The following FER variants were observed in gnomAD, a reference collection of about 807,000 sequenced individuals.
FER encodes the protein tyrosine-protein kinase Fer.
A neutral mutation model predicts 111.0 loss-of-function variants in FER; 63 were observed. That is an observed-to-expected ratio of 0.57 (90% CI 0.46 to 0.70). The LOEUF (loss-of-function observed/expected upper bound fraction) is 0.70, where lower values mean the gene tolerates loss of function less well. FER is among the 30% of genes least tolerant of loss of function. The pLI is 0.00. For synonymous variants in FER, 327 were observed against 313.9 expected, an observed-to-expected ratio of 1.04 and a Z score of -0.44; for missense variants, 914 against 954.0, an observed-to-expected ratio of 0.96 and a Z score of 0.55.
rs924853975 is a variant in FER at position 109,181,403 on chromosome 5, A to AT, written c.2203+509dup. On this transcript the variant is annotated intron_variant, in intron 18 of 19. Transcript: ENST00000281092. Reference sequence around the variant, plus strand: ...GGAATTACATTTTAAAACGGCAGGGATTTTTTTCACTTGAATTTTTATGCG... The same window carrying AT: ...GGAATTACATTTTAAAACGGCAGGGATTTTTTTTCACTTGAATTTTTATGCG... Among the ~76,000 whole-genome samples, 3 of 152,004 alleles carry AT rather than the reference A, an allele frequency of 2.0e-5. No individual in the cohort carries two copies. The South Asian group carries it at 6.2e-4, about 32-fold the overall frequency.
intron 17 of FER, among the ~76,000 whole-genome samples, chr5:109,165,436 G>T (rs1582343788): frequency 6.6e-6 from 1 of 152,172 alleles, no homozygotes; most frequent in Non-Finnish European, 1.5e-5. Context: ...GGTATTCCAA[G>T]AAGCAGTTCC....
chr5:108,860,721 A>AT (rs1418400186), intron 5 of FER, among the ~76,000 whole-genome samples: 1 of 152,242 alleles, frequency 6.6e-6, no homozygotes, highest in East Asian at 1.9e-4. Flanking sequence ...AAATTGTGAA[A>AT]TTGAGCAGCG....
At chr5:109,061,733 TG>T (rs1459129858) in intron 16 of FER, among the ~76,000 whole-genome samples, 1 of 152,154 alleles carries the variant, frequency 6.6e-6, no homozygotes, top group Non-Finnish European at 1.5e-5. Flanking sequence ...TTTTCTCTAC[TG>T]GGAATAAAGC....
chr5:108,959,400 G>T, intron 13 of FER, 53 bp downstream of exon 13: 2 of 1,521,088 alleles, frequency 1.3e-6, no homozygotes, highest in Non-Finnish European at 1.8e-6. Context: ...TTTTTGGTGA[G>T]TTAACATTTC....
chr5:108,924,332 C>T (rs566708264), intron 10 of FER, among the ~76,000 whole-genome samples: 1 of 146,364 alleles, frequency 6.8e-6, no homozygotes, highest in South Asian at 2.2e-4. Context: ...TGCACTCCAG[C>T]CTGGGCGACA....
At chr5:108,992,629 G>A (rs954385035) in intron 13 of FER, among the ~76,000 whole-genome samples, 3 of 148,362 alleles carry the variant, frequency 2.0e-5, no homozygotes, top group African/African-American at 4.9e-5. Flanking sequence ...CCGGGCGGGG[G>A]GCTGACCACC....
At chr5:109,137,693 G>C (rs1285048544) in intron 17 of FER, among the ~76,000 whole-genome samples, 1 of 152,136 alleles carries the variant, frequency 6.6e-6, no homozygotes, top group African/African-American at 2.4e-5. Flanking sequence ...TAGGCGGGTT[G>C]GTGTTAGTAA....
chr5:108,898,918 A>T (rs1436318844), intron 10 of FER, among the ~76,000 whole-genome samples: 1 of 151,972 alleles, frequency 6.6e-6, no homozygotes, highest in Non-Finnish European at 1.5e-5. Flanking sequence ...ATCCAGGCTA[A>T]AATGTCAAAA....
At chr5:108,997,970 T>G (rs1764216508) in intron 13 of FER, among the ~76,000 whole-genome samples, 1 of 151,912 alleles carries the variant, frequency 6.6e-6, no homozygotes, top group Non-Finnish European at 1.5e-5. Flanking sequence ...TCAGCAATGG[T>G]GGACACCTTA....
intron 17 of FER, among the ~76,000 whole-genome samples, chr5:109,121,165 A>C (rs1750917115): frequency 6.6e-6 from 1 of 151,960 alleles, no homozygotes; most frequent in South Asian, 2.1e-4. Context: ...CATCCTTGTC[A>C]TGTTCTAGAT....
intron 13 of FER, among the ~76,000 whole-genome samples, chr5:108,982,104 T>C (rs916915737): frequency 6.6e-6 from 1 of 152,048 alleles, no homozygotes; most frequent in African/African-American, 2.4e-5. Context: ...TTGTTAGAAA[T>C]GCAAATTTTC....
At chr5:108,855,594 G>GAAAAAAA (rs199949845) in intron 5 of FER, among the ~76,000 whole-genome samples, 14 of 103,016 alleles carry the variant, frequency 1.4e-4, no homozygotes, top group African/African-American at 4.6e-4. Context: ...GCACTCCAGC[G>GAAAAAAA]AAAAAAAAAA....
At position 109,062,310 on chromosome 5, in the gene FER, G is replaced by C. The variant is rs117235284; in HGVS notation, c.1924+15112G>C. 4.9e-4 allele frequency among the ~76,000 whole-genome samples: 75 copies of C among 152,180 alleles called. 3 individuals are homozygous for C. In the East Asian group the frequency reaches 0.014, roughly 28 times the overall value. On this transcript the variant is annotated intron_variant, in intron 16 of 19. Transcript: ENST00000281092. ...AGCCAAGGTGGGGTCGATCACTCGA[G>C]GCCGGGAGTTCAAGACCAGCCTGCC...
intron 2 of FER, chr5:108,785,472 C>T (rs1381299264): frequency 3.5e-6 from 2 of 574,440 alleles, no homozygotes; most frequent in Non-Finnish European, 7.0e-6. Context: ...ACCTCCCTGG[C>T]CTGGTCTGTT....
At chr5:108,843,641 T>A (rs1485442966) in intron 5 of FER, among the ~76,000 whole-genome samples, 6 of 151,146 alleles carry the variant, frequency 4.0e-5, no homozygotes, top group Non-Finnish European at 8.8e-5. Context: ...GTAATTCTCC[T>A]CCTCAGCCTC....
chr5:109,146,261 T>TATATATTATCTATCTA (rs1561953885), intron 17 of FER, among the ~76,000 whole-genome samples: 6 of 88,666 alleles, frequency 6.8e-5, no homozygotes, highest in South Asian at 3.4e-4. Context: ...CTAATATATA[T>TATATATTATCTATCTA]ATATATATAT....
chr5:109,074,084 A>G (rs1561861071), intron 16 of FER, among the ~76,000 whole-genome samples: 1 of 152,184 alleles, frequency 6.6e-6, no homozygotes, highest in Non-Finnish European at 1.5e-5. Flanking sequence ...GTGAAGGAAA[A>G]ATAAAAAGCT....
At chr5:109,076,262 A>G (rs1235954202) in intron 16 of FER, among the ~76,000 whole-genome samples, 2 of 152,236 alleles carry the variant, frequency 1.3e-5, no homozygotes, top group Non-Finnish European at 2.9e-5. Context: ...ACTATTATGT[A>G]GCAACATTAC....
intron 16 of FER, among the ~76,000 whole-genome samples, chr5:109,090,858 A>T (rs910322068): frequency 6.6e-6 from 1 of 152,350 alleles, no homozygotes; most frequent in East Asian, 1.9e-4. Flanking sequence ...GGACACCATC[A>T]CATGGACCAA....
Sources: allele counts gnomAD v4.1 joint callset (sites outside exome capture counted in the v4.1 genomes callset), GRCh38; gene constraint gnomAD v4.1.1; transcripts MANE v1.5; gene names NCBI Gene and HGNC (gene_info 2026-07-23, HGNC 2026-07-21).